The following CNTNAP2 variants were observed in gnomAD, a reference collection of about 807,000 sequenced individuals.
CNTNAP2 encodes the protein contactin-associated protein-like 2.
A neutral mutation model predicts 155.2 loss-of-function variants in CNTNAP2; 98 were observed. That is an observed-to-expected ratio of 0.63 (90% CI 0.54 to 0.75). The LOEUF (loss-of-function observed/expected upper bound fraction) is 0.75, where lower values mean the gene tolerates loss of function less well. Ranked by LOEUF, CNTNAP2 falls within the 30% of genes least tolerant of loss-of-function variation. The pLI, the probability that CNTNAP2 is intolerant of heterozygous loss-of-function variation, is 0.00. For synonymous variants in CNTNAP2, 651 were observed against 631.2 expected (o/e 1.03, Z -0.47); for missense variants, 1,727 against 1,688.1 (o/e 1.02, Z -0.40).
chr7:146,551,614 A>G (rs1037317063), intron 1 of CNTNAP2, among the ~76,000 whole-genome samples: 1 of 152,114 alleles, frequency 6.6e-6, no homozygotes, highest in African/African-American at 2.4e-5. Context: ...ATTAAAAAAA[A>G]GAATAAGAGG....
At chr7:148,333,885 G>T (rs983115138) in intron 21 of CNTNAP2, among the ~76,000 whole-genome samples, 2 of 152,220 alleles carry the variant, frequency 1.3e-5, no homozygotes, top group Non-Finnish European at 2.9e-5. Flanking sequence ...GGACACTGGA[G>T]CCTCAAGAAA....
intron 11 of CNTNAP2, among the ~76,000 whole-genome samples, chr7:147,517,041 T>G (rs1316580518): frequency 6.6e-6 from 1 of 151,514 alleles, no homozygotes; most frequent in African/African-American, 2.4e-5. Context: ...TTTTTTTTTT[T>G]GTATTTTTAG....
intron 1 of CNTNAP2, among the ~76,000 whole-genome samples, chr7:146,486,093 T>C (rs1305020624): frequency 3.2e-5 from 4 of 126,922 alleles, no homozygotes; most frequent in African/African-American, 1.2e-4. Flanking sequence ...GAGACAGAGT[T>C]TCGCTGTGTC....
intron 21 of CNTNAP2, among the ~76,000 whole-genome samples, chr7:148,359,334 A>G (rs1386814458): frequency 2.6e-5 from 4 of 152,382 alleles, no homozygotes; most frequent in Admixed American, 2.0e-4. Context: ...TACAGTTGCA[A>G]TATAGGCAAA....
intron 8 of CNTNAP2, among the ~76,000 whole-genome samples, chr7:147,244,746 G>A (rs1341388656): frequency 6.6e-6 from 1 of 152,100 alleles, no homozygotes; most frequent in Non-Finnish European, 1.5e-5. Flanking sequence ...GTAATTTTGT[G>A]GTGTCAGCAT....
chr7:147,887,619 A>G (rs1224101317), intron 13 of CNTNAP2, among the ~76,000 whole-genome samples: 1 of 152,226 alleles, frequency 6.6e-6, no homozygotes, highest in Non-Finnish European at 1.5e-5. Flanking sequence ...AAGCTGACCT[A>G]AAGGCTTCTG....
chr7:148,111,329 CAAGAG>C (rs1804346696), intron 15 of CNTNAP2, among the ~76,000 whole-genome samples: 1 of 151,920 alleles, frequency 6.6e-6, no homozygotes, highest in African/African-American at 2.4e-5. Context: ...CTCAGAGAGA[CAAGAG>C]AAGATATTGA....
At chr7:147,635,489 T>C (rs1485018847) in intron 12 of CNTNAP2, among the ~76,000 whole-genome samples, 2 of 152,130 alleles carry the variant, frequency 1.3e-5, no homozygotes, top group Non-Finnish European at 2.9e-5. Flanking sequence ...CCTAGATCTG[T>C]ATCTGTCATA....
At chr7:147,242,105 T>C (rs1803950242) in intron 8 of CNTNAP2, among the ~76,000 whole-genome samples, 1 of 152,226 alleles carries the variant, frequency 6.6e-6, no homozygotes, top group Non-Finnish European at 1.5e-5. Flanking sequence ...TTTCTTTGAC[T>C]TTCTCTCCTC....
In CNTNAP2 at chr7:146,191,141, C is replaced by T. The variant is rs143042656; in HGVS notation, c.97+74168C>T. Reference sequence around the variant, plus strand: ...GGGGGAACCACCCCTGATAATTCAACGTAGGTTCTTTTCTATTTTCCCTGA... The same window carrying T: ...GGGGGAACCACCCCTGATAATTCAATGTAGGTTCTTTTCTATTTTCCCTGA... On this transcript the variant is annotated intron_variant, in intron 1 of 23. Transcript: ENST00000361727. Among the ~76,000 whole-genome samples the T allele has an allele frequency of 4.1e-3, 617 of 152,198 alleles. 3 individuals carry two copies. Among genetic ancestry groups the T allele is most frequent in the African/African-American group, 0.014 (586 of 41,524 alleles).
intron 13 of CNTNAP2, among the ~76,000 whole-genome samples, chr7:147,853,597 G>A (rs17234187): frequency 0.045 from 6,784 of 152,252 alleles, 199 homozygotes; most frequent in Middle Eastern, 0.061. Flanking sequence ...TAATTAAGCT[G>A]CTTTGCCCTG....
chr7:146,989,532 A>G (rs964538572), intron 3 of CNTNAP2, among the ~76,000 whole-genome samples: 5 of 130,572 alleles, frequency 3.8e-5, no homozygotes, highest in African/African-American at 1.5e-4. Context: ...TTTAACACAA[A>G]CAAACAAACA....
chr7:147,194,532 C>T (rs964545267), intron 8 of CNTNAP2, among the ~76,000 whole-genome samples: 1 of 152,150 alleles, frequency 6.6e-6, no homozygotes, highest in Admixed American at 6.5e-5. Flanking sequence ...CTAATTTACA[C>T]TCCCACCAAC....
chr7:148,195,223 T>G (rs1015987790), intron 18 of CNTNAP2, among the ~76,000 whole-genome samples: 3 of 152,250 alleles, frequency 2.0e-5, no homozygotes, highest in Non-Finnish European at 4.4e-5. Flanking sequence ...CTTCTCATTA[T>G]GTATTGTCAG....
chr7:146,955,297 A>T (rs1797409546), intron 3 of CNTNAP2, among the ~76,000 whole-genome samples: 1 of 151,992 alleles, frequency 6.6e-6, no homozygotes, highest in Admixed American at 6.6e-5. Flanking sequence ...CATATACAAG[A>T]AGATTTAAGA....
At chr7:147,960,064 A>G (rs1409146546) in intron 14 of CNTNAP2, among the ~76,000 whole-genome samples, 2 of 152,112 alleles carry the variant, frequency 1.3e-5, no homozygotes, top group Non-Finnish European at 2.9e-5. Context: ...ACTTCATGCC[A>G]ATACATCCTT....
At chr7:147,120,888 G>A in intron 5 of CNTNAP2, 91 bp from the exon 6 acceptor site, 2 of 1,175,794 alleles carry the variant, frequency 1.7e-6, no homozygotes, top group East Asian at 2.4e-5. Context: ...TGGAATGTCA[G>A]CCTCTAGGTG....
chr7:148,146,835 A>C (rs1157291534), intron 16 of CNTNAP2, among the ~76,000 whole-genome samples: 5 of 152,220 alleles, frequency 3.3e-5, no homozygotes, highest in Non-Finnish European at 7.3e-5. Context: ...TACCCTCATT[A>C]CACCAACAAT....
chr7:146,399,629 A>T lies in CNTNAP2; in HGVS notation c.97+282656A>T, dbSNP rs370086438. Among the ~76,000 whole-genome samples the T allele has an allele frequency of 5.3e-5, 8 of 152,294 alleles. No homozygotes were observed. The East Asian group carries it at 1.4e-3, about 26-fold the overall frequency. On this transcript the variant is annotated intron_variant, in intron 1 of 23. Transcript: ENST00000361727. Reference sequence around the variant, plus strand: ...GCCTGTTTTAAATATGCTGATGAACATGGGGGTGCAGATATAGCTTCAACA... The same window carrying T: ...GCCTGTTTTAAATATGCTGATGAACTTGGGGGTGCAGATATAGCTTCAACA...
Sources: allele counts gnomAD v4.1 joint callset (sites outside exome capture counted in the v4.1 genomes callset), GRCh38; gene constraint gnomAD v4.1.1; transcripts MANE v1.5; gene names NCBI Gene and HGNC (gene_info 2026-07-23, HGNC 2026-07-21).